The following OSBPL9 variants were observed in gnomAD, a reference collection of about 807,000 sequenced individuals.
OSBPL9 encodes oxysterol-binding protein-related protein 9.
OSBPL9 carries 40 observed loss-of-function variants against 106.6 expected under a neutral mutation model. The observed-to-expected ratio is 0.38, with a 90% CI of 0.29 to 0.49. OSBPL9 has a LOEUF of 0.49. Among genes scored for constraint, OSBPL9 ranks in the 20% least tolerant of loss-of-function variants. The pLI, the probability that OSBPL9 is intolerant of heterozygous loss-of-function variation, is 0.97. For missense variants in OSBPL9, 609 were observed against 887.2 expected, an observed-to-expected ratio of 0.69 and a Z score of 3.98; for synonymous variants, 269 against 295.4, an observed-to-expected ratio of 0.91 and a Z score of 0.92.
chr1:51,749,435 T>C, intron 7 of OSBPL9: 1 of 298,286 alleles, frequency 3.4e-6, no homozygotes, highest in Non-Finnish European at 7.3e-6. Flanking sequence ...GCTTCAGCCA[T>C]TTGAGTAGCT....
chr1:51,733,296 C>G (rs1370164559), intron 4 of OSBPL9, among the ~76,000 whole-genome samples: 1 of 152,158 alleles, frequency 6.6e-6, no homozygotes, highest in African/African-American at 2.4e-5. Context: ...AGTAGGTGTT[C>G]AGTAAGTGCT....
chr1:51,635,594 G>A (rs1645381278), intron 1 of OSBPL9, among the ~76,000 whole-genome samples: 1 of 152,122 alleles, frequency 6.6e-6, no homozygotes, highest in African/African-American at 2.4e-5. Context: ...GCTATCAGTA[G>A]TTTGCAGAAC....
intron 1 of OSBPL9, among the ~76,000 whole-genome samples, chr1:51,637,724 T>TA (rs1229063690): frequency 7.9e-5 from 12 of 152,322 alleles, no homozygotes; most frequent in South Asian, 4.1e-4. Flanking sequence ...ACAAGAAATA[T>TA]AACTTAAGAA....
At chr1:51,659,389 A>G (rs919131468) in intron 2 of OSBPL9, among the ~76,000 whole-genome samples, 5 of 152,128 alleles carry the variant, frequency 3.3e-5, no homozygotes, top group Admixed American at 3.3e-4. Context: ...TGAGAAAACC[A>G]CATGTTAAAA....
intron 3 of OSBPL9, among the ~76,000 whole-genome samples, chr1:51,680,886 A>C (rs1057482104): frequency 6.6e-6 from 1 of 152,118 alleles, no homozygotes; most frequent in African/African-American, 2.4e-5. Context: ...GTCTTGCCCA[A>C]TTGCGTTTAC....
chr1:51,647,552 T>G lies in OSBPL9; in HGVS notation c.112-4439T>G, dbSNP rs145399003. On this transcript the variant is annotated intron_variant, in intron 1 of 23. Coordinates refer to ENST00000428468, the MANE Select transcript of OSBPL9 (RefSeq NM_024586.6). ...CTGCGCTTTTCTTTGTGAGAAGTTT[T>G]TTGATTACTAATTCAGTCTTTTTAC... is the stretch of plus-strand genomic sequence containing the variant. Among the ~76,000 whole-genome samples the G allele has an allele frequency of 8.5e-5, 13 of 152,306 alleles. No individual in the cohort carries two copies. In the East Asian group the frequency reaches 2.5e-3, roughly 29 times the overall value.
intron 3 of OSBPL9, among the ~76,000 whole-genome samples, chr1:51,683,189 C>CT (rs1024988380): frequency 6.7e-6 from 1 of 149,370 alleles, no homozygotes; most frequent in African/African-American, 2.5e-5. Context: ...CCAGGTTTTT[C>CT]TTTTTTTTGA....
intron 1 of OSBPL9, among the ~76,000 whole-genome samples, chr1:51,639,816 GTTTTTTT>G (rs758174157): frequency 1.2e-4 from 8 of 67,048 alleles, no homozygotes; most frequent in African/African-American, 5.1e-4. Flanking sequence ...ATTCCTAGTT[GTTTTTTT>G]TTTTTTTTTT....
At chr1:51,785,691 A>C in intron 20 of OSBPL9, 117 bp from the exon 21 acceptor site, 2 of 805,828 alleles carry the variant, frequency 2.5e-6, no homozygotes, top group South Asian at 3.3e-5. Context: ...AGATGCTTTC[A>C]TCAAAAACTT....
intron 1 of OSBPL9, among the ~76,000 whole-genome samples, chr1:51,586,954 C>A (rs949228050): frequency 6.6e-6 from 1 of 152,208 alleles, no homozygotes. Context: ...CATCATCATC[C>A]AGGTGATGTC....
At chr1:51,672,366 C>T (rs772728335) in intron 3 of OSBPL9, among the ~76,000 whole-genome samples, 1 of 152,094 alleles carries the variant, frequency 6.6e-6, no homozygotes, top group Non-Finnish European at 1.5e-5. Context: ...AATTAACATA[C>T]AATAAAATGT....
intron 16 of OSBPL9, chr1:51,781,566 A>C: frequency 2.6e-6 from 1 of 391,166 alleles, no homozygotes. Flanking sequence ...GTAGACCATA[A>C]TATAATTTTA....
chr1:51,656,776 C>T (rs1646845558), intron 2 of OSBPL9, among the ~76,000 whole-genome samples: 1 of 152,052 alleles, frequency 6.6e-6, no homozygotes, highest in Non-Finnish European at 1.5e-5. Flanking sequence ...CCTCCTGCCT[C>T]AACCTGCTGA....
intron 2 of OSBPL9, among the ~76,000 whole-genome samples, chr1:51,659,162 A>T (rs972263251): frequency 6.6e-6 from 1 of 152,164 alleles, no homozygotes; most frequent in Non-Finnish European, 1.5e-5. Flanking sequence ...TTAATATCAG[A>T]CATAGAATAC....
intron 3 of OSBPL9, among the ~76,000 whole-genome samples, chr1:51,684,669 T>G (rs909972517): frequency 6.6e-6 from 1 of 151,964 alleles, no homozygotes; most frequent in African/African-American, 2.4e-5. Flanking sequence ...TAGCTGGGAT[T>G]ACAGGTGCTC....
the OSBPL9 span, among the ~76,000 whole-genome samples, chr1:51,537,231 A>C: frequency 1.3e-5 from 2 of 152,126 alleles, no homozygotes; most frequent in Non-Finnish European, 2.9e-5. Context: ...TTATTTTTTA[A>C]ATGTTCAACT....
At chr1:51,756,416 C>T (rs1670350265) in intron 9 of OSBPL9, 58 bp downstream of exon 9, 1 of 1,520,048 alleles carries the variant, frequency 6.6e-7, no homozygotes, top group Non-Finnish European at 9.1e-7. Flanking sequence ...TATAACCAGT[C>T]ATATCAGGAG....
At chr1:51,595,395 A>G (rs935281909) in intron 1 of OSBPL9, among the ~76,000 whole-genome samples, 1 of 151,922 alleles carries the variant, frequency 6.6e-6, no homozygotes, top group Non-Finnish European at 1.5e-5. Context: ...CCATTCATCC[A>G]TCCATCCACT....
chr1:51,751,223 G>A (rs1240450018), intron 8 of OSBPL9, among the ~76,000 whole-genome samples: 1 of 152,046 alleles, frequency 6.6e-6, no homozygotes, highest in Non-Finnish European at 1.5e-5. Context: ...GAGTAGCGAG[G>A]TTACAGGCAT....
Sources: gnomAD v4.1 joint callset for allele counts (sites outside exome capture counted in the v4.1 genomes callset) on GRCh38, gnomAD v4.1.1 for gene constraint, MANE v1.5 for transcripts, NCBI Gene and HGNC (gene_info 2026-07-23, HGNC 2026-07-21) for gene names.